ZNF451: variants seen among roughly 807,000 people sequenced by gnomAD.
The protein encoded by ZNF451 is E3 SUMO-protein ligase ZNF451.
A neutral mutation model predicts 107.1 loss-of-function variants in ZNF451; 80 were observed. The observed-to-expected ratio is 0.75, with a 90% CI of 0.62 to 0.90. The LOEUF (loss-of-function observed/expected upper bound fraction) is 0.90, where lower values mean the gene tolerates loss of function less well. Among genes scored for constraint, ZNF451 ranks in the 40% least tolerant of loss-of-function variants. The pLI is 0.00. For synonymous variants in ZNF451, 362 were observed against 406.5 expected, an observed-to-expected ratio of 0.89 and a Z score of 1.32; for missense variants, 1,107 against 1,236.2, an observed-to-expected ratio of 0.90 and a Z score of 1.57.
chr6:57,141,928 T>C lies in ZNF451; in HGVS notation c.857-20T>C, dbSNP rs146654064. On this transcript the variant is annotated intron_variant, in intron 8 of 14. Transcript: ENST00000370706. ...TGTACTCAAATAACTTTGCAAATTATAGTTTATTTTGTCTTTCAGATAACA... is the reference window on the plus strand; with the variant it reads ...TGTACTCAAATAACTTTGCAAATTACAGTTTATTTTGTCTTTCAGATAACA... The C allele has an allele frequency of 1.5e-4, 239 of 1,608,284 alleles. 1 individual carries two copies. The African/African-American group carries it at 2.4e-3, about 16-fold the overall frequency.
chr6:57,090,412 G>C, intron 1 of ZNF451, 138 bp downstream of exon 1: 2 of 1,342,976 alleles, frequency 1.5e-6, no homozygotes, highest in South Asian at 3.0e-5. Flanking sequence ...GCCCAGCTCT[G>C]GGGCCTGGTG....
chr6:57,101,458 A>G (rs1036425857), intron 3 of ZNF451: 2 of 1,550,872 alleles, frequency 1.3e-6, no homozygotes, highest in African/African-American at 1.4e-5. Flanking sequence ...TGAAGGCCCC[A>G]TTGTAGAAGC....
At chr6:57,131,420 C>T (rs1831172844) in intron 5 of ZNF451, among the ~76,000 whole-genome samples, 1 of 152,082 alleles carries the variant, frequency 6.6e-6, no homozygotes, top group African/African-American at 2.4e-5. Flanking sequence ...CTATTTATAG[C>T]TAAATAAAGG....
In ZNF451 at chr6:57,112,023, GAGATGGTA is replaced by G. The variant is rs139621074; in HGVS notation, c.187-12701_187-12694del. 9.4e-3 allele frequency among the ~76,000 whole-genome samples: 1,432 copies of G among 152,312 alleles called. 8 individuals are homozygous for G. The highest frequency in any genetic ancestry group is 0.016 in the Non-Finnish European group (1,060 of 68,012). ...TCCTTGTTCTAAAGCTTTGCTGCTG[GAGATGGTA>G]AGATGGTAAATAAATATTGTACTGT... On this transcript the variant is annotated intron_variant, in intron 3 of 14. Transcript: ENST00000370706.
rs75325735 is a variant in ZNF451, at chr6:57,107,810, C to T, written c.186+8669C>T. The T allele has an allele frequency of 2.1e-3, 2,041 of 978,996 alleles. 31 individuals are homozygous for T. In the African/African-American group the frequency reaches 0.031, roughly 15 times the overall value. 60.6% of individuals were successfully genotyped at this position (978,996 alleles called of 1,614,324 possible). A position where few individuals can be genotyped will look rare whatever the true frequency, so the allele number is the denominator to read the frequency against. ...ATTCCTGAGTATATTCCTTTGGTAA[C>T]GTGAAAGTAAATAGTTTATATTTGA... On this transcript the variant is annotated intron_variant, in intron 3 of 14. Coordinates refer to ENST00000370706, the MANE Select transcript of ZNF451 (RefSeq NM_001031623.3).
intron 9 of ZNF451, among the ~76,000 whole-genome samples, chr6:57,145,665 T>C (rs541077324): frequency 2.0e-5 from 3 of 152,202 alleles, no homozygotes; most frequent in Non-Finnish European, 4.4e-5. Context: ...TATTCCATGG[T>C]ATATATACCA....
rs1415826912 is a variant in ZNF451 at position 57,124,856 on chromosome 6, C to T, written c.309C>T (p.Phe103=). The change falls in exon 4 of 15, where the codon TTC becomes TTT. Residue 103 remains phenylalanine, a synonymous_variant. Coordinates refer to ENST00000370706, the MANE Select transcript of ZNF451 (RefSeq NM_001031623.3). ...KQQKEEKNRA[F]REKIDFQHAH... The stretch of plus-strand genomic sequence containing the variant: ...AGAAAGAAGAGAAGAATAGAGCATT[C>T]AGAGTATGTGCTATTTTAATTGGTA... 2 of 1,591,088 alleles carry T rather than the reference C, an allele frequency of 1.3e-6. No homozygotes were observed. Among genetic ancestry groups the T allele is most frequent in the Admixed American group, 1.7e-5 (1 of 57,738 alleles).
rs1433834769 is a variant in ZNF451 at position 57,161,302 on chromosome 6, G to A, written c.3139+150G>A. ...GTTTGGATAGCTTTGCATTTTTCATGTAAGATGACTTAGGGGTAATACTAA... is the reference window on the plus strand; with the variant it reads ...GTTTGGATAGCTTTGCATTTTTCATATAAGATGACTTAGGGGTAATACTAA... On this transcript the variant is annotated intron_variant, in intron 14 of 14. Coordinates refer to ENST00000370706, the MANE Select transcript of ZNF451 (RefSeq NM_001031623.3). 3 of 481,878 alleles carry A rather than the reference G, an allele frequency of 6.2e-6. No individual in the cohort carries two copies. The East Asian group carries it at 1.0e-4, about 16-fold the overall frequency. The allele number at this position is 481,878 out of a possible 1,614,324, so 29.9% of individuals were successfully genotyped here. A position where few individuals can be genotyped will look rare whatever the true frequency, so the allele number is the denominator to read the frequency against.
intron 3 of ZNF451, among the ~76,000 whole-genome samples, chr6:57,118,504 C>CT (rs1368302883): frequency 6.6e-6 from 1 of 152,032 alleles, no homozygotes; most frequent in Admixed American, 6.6e-5. Flanking sequence ...CTTTCTCCCC[C>CT]TTTTTTTAGA....
At chr6:57,107,004 T>A in intron 3 of ZNF451, 1 of 931,586 alleles carries the variant, frequency 1.1e-6, no homozygotes, top group Non-Finnish European at 1.3e-6. Context: ...TCTTCTCTTA[T>A]TAGTGGAATA....
At chr6:57,096,174 C>CTTTTTTTT (rs1215991627) in intron 2 of ZNF451, among the ~76,000 whole-genome samples, 2 of 112,544 alleles carry the variant, frequency 1.8e-5, no homozygotes, top group African/African-American at 3.4e-5. Flanking sequence ...TTCTTTCTTT[C>CTTTTTTTT]TGTTTTTTTT....
intron 3 of ZNF451, among the ~76,000 whole-genome samples, chr6:57,115,791 C>T (rs1295128414): frequency 6.6e-6 from 1 of 152,086 alleles, no homozygotes; most frequent in African/African-American, 2.4e-5. Flanking sequence ...TGCTTCTCCC[C>T]AACACTGATT....
chr6:57,152,174 T>G, intron 11 of ZNF451, 47 bp from the exon 12 acceptor site: 1 of 1,564,970 alleles, frequency 6.4e-7, no homozygotes, highest in African/African-American at 1.4e-5. Context: ...TTTTTGGCCT[T>G]TCCTCTCCTG....
intron 2 of ZNF451, among the ~76,000 whole-genome samples, chr6:57,096,316 C>T (rs1829310018): frequency 6.7e-6 from 1 of 150,286 alleles, no homozygotes; most frequent in Non-Finnish European, 1.5e-5. Flanking sequence ...TCCTGAGTAG[C>T]TGGAATTAGA....
At chr6:57,103,116 C>T (rs1448639700) in intron 3 of ZNF451, 14 of 985,296 alleles carry the variant, frequency 1.4e-5, no homozygotes, top group Admixed American at 6.2e-5. Context: ...GGATGTTACA[C>T]GATCCAGGCA....
In ZNF451 at chr6:57,124,755, C is replaced by T. The variant is rs1830842830; in HGVS notation, c.208C>T (p.His70Tyr). The T allele has an allele frequency of 6.3e-7, 1 of 1,592,872 alleles. No homozygotes were observed. Among genetic ancestry groups the T allele is most frequent in the Non-Finnish European group, 8.6e-7 (1 of 1,162,098 alleles). The part of the protein sequence containing the change: ...YTDENIKRKD[H>Y]IDYQKDKVAL... The stretch of plus-strand genomic sequence containing the variant: ...ATAGGAGAATATTAAACGTAAAGAC[C>T]ATATTGATTATCAGAAGGATAAAGT... The change falls in exon 4 of 15, where the codon CAT (histidine) becomes TAT (tyrosine). Residue 70 changes from histidine to tyrosine, a missense_variant. This residue lies in a region of ZNF451 where 339 missense variants were observed against 372.8 expected (regional missense o/e 0.91). Transcript: ENST00000370706.
chr6:57,093,681 TTAG>T (rs1829156391), intron 2 of ZNF451, among the ~76,000 whole-genome samples: 1 of 152,150 alleles, frequency 6.6e-6, no homozygotes, highest in Non-Finnish European at 1.5e-5. Flanking sequence ...ATAGTAGTAG[TTAG>T]TAGTAGTAAT....
chr6:57,095,814 T>TTGTTG (rs1554296152), intron 2 of ZNF451, among the ~76,000 whole-genome samples: 62 of 148,142 alleles, frequency 4.2e-4, no homozygotes, highest in Middle Eastern at 3.4e-3. Flanking sequence ...GCTTTTTTTT[T>TTGTTG]TTGTTGTTGT....
At chr6:57,163,911 G>T (rs1763791116) in intron 14 of ZNF451, among the ~76,000 whole-genome samples, 1 of 152,078 alleles carries the variant, frequency 6.6e-6, no homozygotes. Context: ...TTCTAGTCTA[G>T]ACCTGATAAC....
Sources: allele counts gnomAD v4.1 joint callset (sites outside exome capture counted in the v4.1 genomes callset), GRCh38; gene constraint gnomAD v4.1.1; regional missense constraint gnomAD v4.1.1; transcripts MANE v1.5; gene names NCBI Gene and HGNC (gene_info 2026-07-23, HGNC 2026-07-21).